OPA3: variants seen among roughly 807,000 people sequenced by gnomAD.
The protein encoded by OPA3 is outer mitochondrial membrane lipid metabolism regulator OPA3.
OPA3 carries 6 observed loss-of-function variants against 4.0 expected under a neutral mutation model. That is an observed-to-expected ratio of 1.51 (90% CI 0.83 to 2.99). OPA3 has a LOEUF of 2.99. OPA3 is among the 30% of genes most tolerant of loss of function. The pLI is 0.00. For synonymous variants in OPA3, 105 were observed against 117.1 expected, an observed-to-expected ratio of 0.90 and a Z score of 0.67; for missense variants, 235 against 256.2, an observed-to-expected ratio of 0.92 and a Z score of 0.56.
chr19:45,572,559 G>A (rs1969694116), intron 1 of OPA3, among the ~76,000 whole-genome samples: 1 of 98,324 alleles, frequency 1.0e-5, no homozygotes. Context: ...TATCATATAT[G>A]GATATATATC....
At chr19:45,583,026 G>GT (rs1318472642) in intron 1 of OPA3, among the ~76,000 whole-genome samples, 5 of 152,224 alleles carry the variant, frequency 3.3e-5, no homozygotes, top group African/African-American at 1.2e-4. Flanking sequence ...GCAAGATGGA[G>GT]TAAGTTAACT....
In OPA3 at chr19:45,577,729, A is replaced by G. The variant is rs543835295; in HGVS notation, c.142+6894T>C. Among the ~76,000 whole-genome samples, 18 of 152,334 alleles carry G rather than the reference A, an allele frequency of 1.2e-4. No individual in the cohort carries two copies. The South Asian group carries it at 2.5e-3, about 21-fold the overall frequency. On this transcript the variant is annotated intron_variant, in intron 1 of 1. Coordinates refer to ENST00000263275, the MANE Select transcript of OPA3 (RefSeq NM_025136.4). The stretch of plus-strand genomic sequence containing the variant: ...ACAAATGACAGAACAAATAGACCTC[A>G]GGAGTCCCCTGAAGGGATGTCCTTA...
intron 1 of OPA3, among the ~76,000 whole-genome samples, chr19:45,539,943 G>A (rs528377228): frequency 4.6e-4 from 70 of 152,228 alleles, no homozygotes; most frequent in Non-Finnish European, 8.8e-4. Context: ...TGGAGATGAT[G>A]GAAATGTTCT....
intron 1 of OPA3, among the ~76,000 whole-genome samples, chr19:45,571,183 G>A (rs931978745): frequency 3.3e-5 from 5 of 151,430 alleles, no homozygotes; most frequent in African/African-American, 4.9e-5. Flanking sequence ...TTGCTCTGTC[G>A]CCCAGGCTGG....
rs141091570 is a variant in OPA3, at chr19:45,579,061, TC to T, written c.142+5561del. On this transcript the variant is annotated intron_variant, in intron 1 of 1. Coordinates refer to ENST00000263275, the MANE Select transcript of OPA3 (RefSeq NM_025136.4). Reference sequence around the variant, plus strand: ...GGATCCTCTGGGCTGGAACGTTTCTTCCCCCAGATGGCAATGCTGCTCGTTC... The same window carrying T: ...GGATCCTCTGGGCTGGAACGTTTCTTCCCCAGATGGCAATGCTGCTCGTTC... 5.6e-3 allele frequency among the ~76,000 whole-genome samples: 858 copies of T among 152,064 alleles called. 12 individuals are homozygous for T. The highest frequency in any genetic ancestry group is 0.02 in the African/African-American group (813 of 41,472).
chr19:45,572,094 G>A (rs377362100), intron 1 of OPA3, among the ~76,000 whole-genome samples: 5 of 120,204 alleles, frequency 4.2e-5, no homozygotes, highest in Non-Finnish European at 9.7e-5. Flanking sequence ...TTTTTCATGT[G>A]GTGTATATAT....
downstream of OPA3, among the ~76,000 whole-genome samples, chr19:45,545,275 A>C (rs577055217): frequency 6.6e-6 from 1 of 152,172 alleles, no homozygotes; most frequent in South Asian, 2.1e-4. Context: ...CACACCTGTA[A>C]TCCTAGCACT....
chr19:45,559,159 C>A (rs1432459300), intron 1 of OPA3, among the ~76,000 whole-genome samples: 1 of 152,052 alleles, frequency 6.6e-6, no homozygotes, highest in Non-Finnish European at 1.5e-5. Flanking sequence ...ACTGGGACTA[C>A]AGGTGTGAGC....
intron 1 of OPA3, among the ~76,000 whole-genome samples, chr19:45,563,376 T>C (rs889955565): frequency 6.6e-6 from 1 of 151,314 alleles, no homozygotes; most frequent in African/African-American, 2.4e-5. Flanking sequence ...GCCAGGATGG[T>C]CTCGATCTCC....
chr19:45,536,809 G>A (rs535441079), intron 1 of OPA3, among the ~76,000 whole-genome samples: 44 of 152,198 alleles, frequency 2.9e-4, no homozygotes, highest in African/African-American at 1.0e-3. Flanking sequence ...TTTAAGACAC[G>A]TTGGATCACT....
intron 1 of OPA3, among the ~76,000 whole-genome samples, chr19:45,576,262 G>A (rs1969765656): frequency 6.6e-6 from 1 of 151,678 alleles, no homozygotes; most frequent in Non-Finnish European, 1.5e-5. Flanking sequence ...TGGGCGCAGT[G>A]GCTCACGCCT....
chr19:45,566,245 G>C (rs1323468564), intron 1 of OPA3, among the ~76,000 whole-genome samples: 2 of 149,640 alleles, frequency 1.3e-5, no homozygotes, highest in Admixed American at 1.3e-4. Context: ...TGCTGCCAGG[G>C]TTCAAGTGAT....
rs942035186 is a variant in OPA3, at chr19:45,552,877, T to A, written c.*637A>T. The A allele has an allele frequency of 2.3e-6, 1 of 435,372 alleles. No individual in the cohort carries two copies. The highest frequency in any genetic ancestry group is 3.1e-6 in the Non-Finnish European group (1 of 327,704). The allele number at this position is 435,372 out of a possible 1,614,324, so 27.0% of individuals were successfully genotyped here. A position where few individuals can be genotyped will look rare whatever the true frequency, so the allele number is the denominator to read the frequency against. On this transcript the variant is annotated 3_prime_UTR_variant, in exon 2 of 2. Coordinates refer to ENST00000263275, the MANE Select transcript of OPA3 (RefSeq NM_025136.4). ...TTTTAGTAGAGACGGAGTTTCACCATGTTGGCCAGGCTGGTCTGGAACTCC... is the reference window on the plus strand; with the variant it reads ...TTTTAGTAGAGACGGAGTTTCACCAAGTTGGCCAGGCTGGTCTGGAACTCC...
chr19:45,580,334 C>T (rs1486544827), intron 1 of OPA3, among the ~76,000 whole-genome samples: 2 of 144,958 alleles, frequency 1.4e-5, no homozygotes, highest in Non-Finnish European at 3.0e-5. Flanking sequence ...ACTCTTGTTG[C>T]CCAGGCTGGA....
chr19:45,572,805 C>A (rs1388374669), intron 1 of OPA3, among the ~76,000 whole-genome samples: 1 of 83,022 alleles, frequency 1.2e-5, no homozygotes, highest in Non-Finnish European at 2.6e-5. Context: ...ATATATCATA[C>A]TATATATATA....
rs558085353 is a variant in OPA3, at chr19:45,549,087, G to A, written c.*4427C>T. 1 of 983,138 alleles carries A rather than the reference G, an allele frequency of 1.0e-6. No homozygotes were observed. Among genetic ancestry groups the A allele is most frequent in the African/African-American group, 1.7e-5 (1 of 57,270 alleles). The allele number at this position is 983,138 out of a possible 1,614,324, so 60.9% of individuals were successfully genotyped here. A position where few individuals can be genotyped will look rare whatever the true frequency, so the allele number is the denominator to read the frequency against. ...CCCAAAGTGCTAGGATTACAGGTGT[G>A]AGCCACTGCGCCCAGTCCCAAGGAC... On this transcript the variant is annotated 3_prime_UTR_variant, in exon 2 of 2. Transcript: ENST00000263275.
At chr19:45,571,869 G>C (rs117327976) in intron 1 of OPA3, among the ~76,000 whole-genome samples, 68 of 152,184 alleles carry the variant, frequency 4.5e-4, no homozygotes, top group Admixed American at 1.7e-3. Context: ...ATTGAGAGCT[G>C]AACACCAACT....
intron 1 of OPA3, among the ~76,000 whole-genome samples, chr19:45,582,145 A>G (rs1969864541): frequency 6.6e-6 from 1 of 150,630 alleles, no homozygotes; most frequent in African/African-American, 2.4e-5. Context: ...ATTCAGGGAG[A>G]TTTTATTTTT....
chr19:45,561,880 G>A (rs1260033512), intron 1 of OPA3, among the ~76,000 whole-genome samples: 2 of 151,902 alleles, frequency 1.3e-5, no homozygotes, highest in African/African-American at 4.8e-5. Flanking sequence ...GGCAGAGGCT[G>A]CAGTGAGCCG....
Sources: gnomAD v4.1 joint callset for allele counts (sites outside exome capture counted in the v4.1 genomes callset) on GRCh38, gnomAD v4.1.1 for gene constraint, MANE v1.5 for transcripts, NCBI Gene and HGNC (gene_info 2026-07-23, HGNC 2026-07-21) for gene names.